The following SPIRE1 variants were observed in gnomAD, a reference collection of about 807,000 sequenced individuals.
The protein encoded by SPIRE1 is spire type actin nucleation factor 1.
SPIRE1 carries 40 observed loss-of-function variants against 94.1 expected under a neutral mutation model. That is an observed-to-expected ratio of 0.43 (90% confidence interval 0.33 to 0.55). SPIRE1 has a LOEUF of 0.55. Among genes scored for constraint, SPIRE1 ranks in the 20% least tolerant of loss-of-function variants. The pLI is 0.06. For synonymous variants in SPIRE1, 376 were observed against 371.7 expected (o/e 1.01, Z -0.13); for missense variants, 838 against 975.2 (o/e 0.86, Z 1.87).
At chr18:12,629,550 G>A (rs543748662) in intron 2 of SPIRE1, among the ~76,000 whole-genome samples, 75 of 152,204 alleles carry the variant, frequency 4.9e-4, no homozygotes, top group Non-Finnish European at 1.0e-3. Context: ...TGGGTCACAC[G>A]CTGTTTAAAT....
intron 2 of SPIRE1, among the ~76,000 whole-genome samples, chr18:12,584,432 GA>G (rs531908294): frequency 7.2e-6 from 1 of 138,974 alleles, no homozygotes; most frequent in African/African-American, 2.6e-5. Context: ...TCCATCTCAA[GA>G]AAAAAAAAAG....
intron 1 of SPIRE1, among the ~76,000 whole-genome samples, chr18:12,644,770 G>A (rs1567988291): frequency 6.6e-6 from 1 of 152,134 alleles, no homozygotes; most frequent in Non-Finnish European, 1.5e-5. Context: ...TATCAATCTT[G>A]ACTCAAATAA....
At chr18:12,465,815 G>T (rs1025926043) in intron 10 of SPIRE1, among the ~76,000 whole-genome samples, 4 of 152,124 alleles carry the variant, frequency 2.6e-5, no homozygotes, top group Non-Finnish European at 5.9e-5. Flanking sequence ...GCCAGGTACG[G>T]TGGCTCGCAC....
chr18:12,631,853 A>G (rs972281252), intron 2 of SPIRE1, among the ~76,000 whole-genome samples: 4 of 152,174 alleles, frequency 2.6e-5, no homozygotes, highest in Admixed American at 1.3e-4. Flanking sequence ...TGACAGAGTG[A>G]GACTCTGTCT....
chr18:12,553,400 A>G (rs1024511611), intron 2 of SPIRE1, among the ~76,000 whole-genome samples: 4 of 151,448 alleles, frequency 2.6e-5, no homozygotes, highest in African/African-American at 9.7e-5. Flanking sequence ...AACTGACTGG[A>G]AAGGCCTTGG....
chr18:12,592,753 T>C (rs557944083), intron 2 of SPIRE1, among the ~76,000 whole-genome samples: 1 of 152,352 alleles, frequency 6.6e-6, no homozygotes, highest in East Asian at 1.9e-4. Flanking sequence ...GCTCCTTAGG[T>C]GACTGTGACA....
At chr18:12,460,247 G>A (rs568471871) in intron 12 of SPIRE1, among the ~76,000 whole-genome samples, 16 of 152,342 alleles carry the variant, frequency 1.1e-4, no homozygotes, top group African/African-American at 3.8e-4. Flanking sequence ...TACTGTGCCT[G>A]AGAAAGCATG....
chr18:12,500,260 T>C (rs1324301643), intron 6 of SPIRE1, among the ~76,000 whole-genome samples: 1 of 152,162 alleles, frequency 6.6e-6, no homozygotes, highest in Non-Finnish European at 1.5e-5. Flanking sequence ...AACAGGCACA[T>C]GCACACCCGC....
At chr18:12,537,266 G>A (rs112678395) in intron 3 of SPIRE1, among the ~76,000 whole-genome samples, 2 of 152,202 alleles carry the variant, frequency 1.3e-5, no homozygotes, top group African/African-American at 2.4e-5. Context: ...TTGCAATACC[G>A]AATTGTCATT....
chr18:12,653,587 G>C (rs547925432), intron 1 of SPIRE1: 2 of 152,304 alleles, frequency 1.3e-5, no homozygotes, highest in South Asian at 2.1e-4. Context: ...ACTAAGCCTA[G>C]ACACTAAAAG....
chr18:12,576,407 T>C (rs2036098636), intron 2 of SPIRE1, among the ~76,000 whole-genome samples: 1 of 150,288 alleles, frequency 6.7e-6, no homozygotes, highest in Non-Finnish European at 1.5e-5. Flanking sequence ...CATAGCGAAA[T>C]CTCGTCTCTA....
intron 2 of SPIRE1, among the ~76,000 whole-genome samples, chr18:12,553,503 C>A (rs1050787980): frequency 6.6e-6 from 1 of 152,108 alleles, no homozygotes; most frequent in Non-Finnish European, 1.5e-5. Flanking sequence ...GTGGAAGAGG[C>A]GAGGGAAGAG....
intron 6 of SPIRE1, among the ~76,000 whole-genome samples, chr18:12,500,700 A>G (rs1341882429): frequency 6.6e-6 from 1 of 152,206 alleles, no homozygotes; most frequent in Non-Finnish European, 1.5e-5. Flanking sequence ...AGCGAAAATG[A>G]AAGAATCCAA....
At chr18:12,537,284 A>G (rs767449322) in intron 3 of SPIRE1, among the ~76,000 whole-genome samples, 7 of 152,238 alleles carry the variant, frequency 4.6e-5, no homozygotes, top group Non-Finnish European at 8.8e-5. Context: ...ATTCAAGGTA[A>G]TGAAAGACAA....
intron 7 of SPIRE1, among the ~76,000 whole-genome samples, chr18:12,494,164 T>C (rs1250709053): frequency 6.6e-6 from 1 of 152,186 alleles, no homozygotes; most frequent in East Asian, 1.9e-4. Flanking sequence ...CTTCCCATCC[T>C]GGCCTTCCAA....
chr18:12,479,650 A>AT (rs779045463), intron 10 of SPIRE1, 49 bp downstream of exon 10: 107 of 1,534,370 alleles, frequency 7.0e-5, no homozygotes, highest in Middle Eastern at 2.3e-4. Flanking sequence ...ATCAGACAGC[A>AT]TTAAGCACCC....
At chr18:12,532,848 C>A (rs2144181194) in intron 4 of SPIRE1, among the ~76,000 whole-genome samples, 1 of 152,204 alleles carries the variant, frequency 6.6e-6, no homozygotes, top group Admixed American at 6.5e-5. Flanking sequence ...GGAAGTCACT[C>A]AAGATGAGAG....
At chr18:12,541,125 T>C (rs1439795453) in intron 3 of SPIRE1, among the ~76,000 whole-genome samples, 1 of 152,264 alleles carries the variant, frequency 6.6e-6, no homozygotes. Context: ...AAGTAGTTTC[T>C]TAATTTCCAA....
intron 2 of SPIRE1, among the ~76,000 whole-genome samples, chr18:12,562,135 A>C (rs1165327803): frequency 6.6e-6 from 1 of 152,218 alleles, no homozygotes; most frequent in Non-Finnish European, 1.5e-5. Flanking sequence ...AGAGCAAGAG[A>C]AATAAGAAGG....
Sources: allele counts gnomAD v4.1 joint callset (sites outside exome capture counted in the v4.1 genomes callset), GRCh38; gene constraint gnomAD v4.1.1; transcripts MANE v1.5; gene names NCBI Gene and HGNC (gene_info 2026-07-23, HGNC 2026-07-21).